SCHIP1: variants seen among roughly 807,000 people sequenced by gnomAD.
SCHIP1 encodes schwannomin-interacting protein 1.
A neutral mutation model predicts 29.7 loss-of-function variants in SCHIP1; 8 were observed. The observed-to-expected ratio is 0.27, with a 90% confidence interval of 0.16 to 0.49. The LOEUF is 0.49. SCHIP1 is among the 20% of genes least tolerant of loss of function. The pLI is 0.99. For synonymous variants in SCHIP1, 76 were observed against 94.9 expected, an observed-to-expected ratio of 0.80 and a Z score of 1.16; for missense variants, 193 against 294.6, an observed-to-expected ratio of 0.66 and a Z score of 2.52.
At chr3:159,883,538 T>C (rs1716657003) in intron 2 of SCHIP1, among the ~76,000 whole-genome samples, 1 of 152,122 alleles carries the variant, frequency 6.6e-6, no homozygotes, top group Non-Finnish European at 1.5e-5. Context: ...GGAGCTGTGG[T>C]TGAGTTTCAC....
At chr3:159,405,338 G>A in the SCHIP1 span, among the ~76,000 whole-genome samples, 2 of 152,080 alleles carry the variant, frequency 1.3e-5, no homozygotes, top group African/African-American at 2.4e-5. Flanking sequence ...AGAGATTTGC[G>A]GCCTTTCAGA....
At chr3:159,744,126 G>A in the SCHIP1 span, among the ~76,000 whole-genome samples, 2 of 152,028 alleles carry the variant, frequency 1.3e-5, no homozygotes, top group Admixed American at 6.5e-5. Context: ...AGGCCTCAAA[G>A]GTACCAAACA....
chr3:159,519,664 T>C, the SCHIP1 span, among the ~76,000 whole-genome samples: 1 of 152,244 alleles, frequency 6.6e-6, no homozygotes, highest in Non-Finnish European at 1.5e-5. Context: ...TCCCCTTTTC[T>C]TTTTTTAAAG....
chr3:159,819,151 T>G, the SCHIP1 span, among the ~76,000 whole-genome samples: 1 of 152,192 alleles, frequency 6.6e-6, no homozygotes, highest in Admixed American at 6.5e-5. Context: ...CGTGGCCCTC[T>G]CCGTGGGCTG....
chr3:159,549,739 T>C, the SCHIP1 span, among the ~76,000 whole-genome samples: 4 of 152,142 alleles, frequency 2.6e-5, no homozygotes, highest in African/African-American at 9.7e-5. Flanking sequence ...AATACAACCA[T>C]GGAGTCCTGA....
the SCHIP1 span, among the ~76,000 whole-genome samples, chr3:159,296,729 C>T: frequency 4.0e-5 from 6 of 151,772 alleles, no homozygotes; most frequent in Admixed American, 6.6e-5. Flanking sequence ...GCCGAGATCG[C>T]ACCATTGCAC....
At chr3:159,778,541 A>G in the SCHIP1 span, among the ~76,000 whole-genome samples, 2 of 152,180 alleles carry the variant, frequency 1.3e-5, no homozygotes, top group Admixed American at 1.3e-4. Context: ...TTGAAATTAA[A>G]AAGGGTATAC....
At chr3:159,651,045 A>T in the SCHIP1 span, among the ~76,000 whole-genome samples, 3 of 152,194 alleles carry the variant, frequency 2.0e-5, no homozygotes, top group Non-Finnish European at 4.4e-5. Context: ...GTACCGTCTC[A>T]TAGGATCATA....
the SCHIP1 span, among the ~76,000 whole-genome samples, chr3:159,714,643 A>C: frequency 6.6e-6 from 1 of 152,214 alleles, no homozygotes; most frequent in Non-Finnish European, 1.5e-5. Flanking sequence ...AGCCTTGCTC[A>C]CTGCTAGCAC....
At chr3:159,703,103 A>G in the SCHIP1 span, among the ~76,000 whole-genome samples, 2 of 152,206 alleles carry the variant, frequency 1.3e-5, no homozygotes, top group African/African-American at 4.8e-5. Context: ...AATTCATAGC[A>G]TTGATCTTAA....
At chr3:159,626,973 T>A in the SCHIP1 span, among the ~76,000 whole-genome samples, 1 of 152,152 alleles carries the variant, frequency 6.6e-6, no homozygotes, top group Non-Finnish European at 1.5e-5. Context: ...TATCAACCCA[T>A]CATCTAGGTT....
the SCHIP1 span, among the ~76,000 whole-genome samples, chr3:159,639,510 C>CTTTCTT: frequency 6.6e-6 from 1 of 152,046 alleles, no homozygotes; most frequent in Non-Finnish European, 1.5e-5. Flanking sequence ...AAAAATCAGA[C>CTTTCTT]CCATAGAAAA....
At chr3:159,887,661 T>C in intron 3 of SCHIP1, 47 bp from the exon 5 acceptor site, 1 of 1,607,088 alleles carries the variant, frequency 6.2e-7, no homozygotes, top group East Asian at 2.2e-5. Flanking sequence ...AAGTGGATGC[T>C]AGCTGGCATG....
At chr3:159,817,751 A>G in the SCHIP1 span, among the ~76,000 whole-genome samples, 11 of 152,144 alleles carry the variant, frequency 7.2e-5, no homozygotes, top group African/African-American at 2.4e-4. Context: ...CTTCTGGTGA[A>G]ATTCCTCATT....
the SCHIP1 span, among the ~76,000 whole-genome samples, chr3:159,675,960 C>T: frequency 4.0e-5 from 6 of 151,562 alleles, no homozygotes; most frequent in African/African-American, 7.3e-5. Context: ...GGAGAAACTC[C>T]GTCTCTATTA....
At chr3:159,541,977 A>T in the SCHIP1 span, among the ~76,000 whole-genome samples, 4 of 152,088 alleles carry the variant, frequency 2.6e-5, no homozygotes, top group Admixed American at 2.6e-4. Flanking sequence ...TCAGATCTCT[A>T]TGATGCTCTA....
chr3:159,819,919 A>G, the SCHIP1 span, among the ~76,000 whole-genome samples: 3 of 152,198 alleles, frequency 2.0e-5, no homozygotes, highest in African/African-American at 7.2e-5. Context: ...TCAGAGGATG[A>G]GGGTTAGCCC....
At chr3:159,425,305 T>A in the SCHIP1 span, among the ~76,000 whole-genome samples, 2 of 151,960 alleles carry the variant, frequency 1.3e-5, no homozygotes, top group African/African-American at 4.8e-5. Flanking sequence ...CCATCTCACA[T>A]GCAGAGACAC....
At chr3:159,302,696 C>CAAAATTAAATTAAAA in the SCHIP1 span, among the ~76,000 whole-genome samples, 11 of 152,264 alleles carry the variant, frequency 7.2e-5, no homozygotes, top group South Asian at 2.3e-3. Context: ...AATTTACATT[C>CAAAATTAAATTAAAA]AAACTGATTA....
Sources: allele counts gnomAD v4.1 joint callset (sites outside exome capture counted in the v4.1 genomes callset), GRCh38; gene constraint gnomAD v4.1.1; transcripts MANE v1.5; gene names NCBI Gene and HGNC (gene_info 2026-07-23, HGNC 2026-07-21).